GDPD1: variants seen among roughly 807,000 people sequenced by gnomAD.
GDPD1 encodes the protein lysophospholipase D GDPD1.
A neutral mutation model predicts 45.1 loss-of-function variants in GDPD1; 28 were observed. The observed-to-expected ratio is 0.62, with a 90% CI of 0.46 to 0.85. GDPD1 has a LOEUF of 0.85. Ranked by LOEUF, GDPD1 falls within the 40% of genes least tolerant of loss-of-function variation. The pLI is 0.00. For synonymous variants in GDPD1, 139 were observed against 131.4 expected, an observed-to-expected ratio of 1.06 and a Z score of -0.40; for missense variants, 256 against 364.8, an observed-to-expected ratio of 0.70 and a Z score of 2.43.
At chr17:59,251,773 A>G (rs1482703623) in intron 4 of GDPD1, among the ~76,000 whole-genome samples, 1 of 151,860 alleles carries the variant, frequency 6.6e-6, no homozygotes, top group African/African-American at 2.4e-5. Flanking sequence ...TGGGAGGCTA[A>G]GGCAGGAGGA....
In GDPD1 at chr17:59,274,512, CAAAAAAAAAAA is replaced by C. The variant is rs35411377; in HGVS notation, c.*753_*763del. 4 of 67,960 alleles carry C rather than the reference CAAAAAAAAAAA, an allele frequency of 5.9e-5. No homozygotes were observed. Among genetic ancestry groups the C allele is most frequent in the Admixed American group, 1.8e-4 (1 of 5,636 alleles). The allele number at this position is 67,960 out of a possible 1,614,324, so 4.2% of individuals were successfully genotyped here. On this transcript the variant is annotated 3_prime_UTR_variant, in exon 10 of 10. Coordinates refer to ENST00000284116, the MANE Select transcript of GDPD1 (RefSeq NM_182569.4). The stretch of plus-strand genomic sequence containing the variant: ...TGGGAGACAGAGTGAGACTCCGTCT[CAAAAAAAAAAA>C]AAAAAAAAAAAAATGGGAGGCCGAG...
chr17:59,228,604 G>C (rs1053710347), intron 1 of GDPD1, among the ~76,000 whole-genome samples: 29 of 152,020 alleles, frequency 1.9e-4, no homozygotes, highest in African/African-American at 6.5e-4. Context: ...GGTTAGGCCA[G>C]CCAGGCACAG....
chr17:59,224,244 C>T (rs2047027957), intron 1 of GDPD1, among the ~76,000 whole-genome samples: 1 of 152,120 alleles, frequency 6.6e-6, no homozygotes, highest in South Asian at 2.1e-4. Context: ...AATGGATTTT[C>T]ACATAATAGA....
In GDPD1 at chr17:59,268,367, G is replaced by C. The variant is rs571523800; in HGVS notation, c.710+1193G>C. On this transcript the variant is annotated intron_variant, in intron 7 of 9. Coordinates refer to ENST00000284116, the MANE Select transcript of GDPD1 (RefSeq NM_182569.4). ...CAAGGAGGGTGGATCACGAGGTCAG[G>C]AGATCGAGACCATCCTGGCTAACAC... 2.6e-5 allele frequency among the ~76,000 whole-genome samples: 4 copies of C among 151,808 alleles called. No homozygotes were observed. The East Asian group carries it at 7.9e-4, about 30-fold the overall frequency.
intron 1 of GDPD1, among the ~76,000 whole-genome samples, chr17:59,233,521 A>G (rs1257851910): frequency 6.6e-6 from 1 of 150,980 alleles, no homozygotes; most frequent in Non-Finnish European, 1.5e-5. Context: ...CAAAAAAAAA[A>G]AAAAAAAAGA....
intron 8 of GDPD1, among the ~76,000 whole-genome samples, chr17:59,272,574 G>A (rs2047452012): frequency 6.6e-6 from 1 of 152,184 alleles, no homozygotes; most frequent in Admixed American, 6.5e-5. Flanking sequence ...TAGAAAGGAG[G>A]TTCTGGTTGT....
At chr17:59,231,324 CTTTT>C (rs557850341) in intron 1 of GDPD1, among the ~76,000 whole-genome samples, 1 of 114,418 alleles carries the variant, frequency 8.7e-6, no homozygotes, top group Admixed American at 1.0e-4. Context: ...TTCTTTCTTT[CTTTT>C]TTTTTTTTTT....
chr17:59,246,470 T>C (rs575813514), intron 3 of GDPD1, among the ~76,000 whole-genome samples: 18 of 151,572 alleles, frequency 1.2e-4, no homozygotes, highest in East Asian at 5.9e-4. Context: ...AATACAAAAA[T>C]TAGCCGGGCA....
intron 4 of GDPD1, among the ~76,000 whole-genome samples, chr17:59,252,908 C>T (rs1431147206): frequency 2.0e-5 from 3 of 151,722 alleles, no homozygotes; most frequent in African/African-American, 4.8e-5. Context: ...GCAGGAGAAT[C>T]GCTGAAACCC....
In GDPD1 at chr17:59,255,791, A is replaced by G. The variant is rs1168365185; in HGVS notation, c.368-1331A>G. On this transcript the variant is annotated intron_variant, in intron 4 of 9. Coordinates refer to ENST00000284116, the MANE Select transcript of GDPD1 (RefSeq NM_182569.4). ...TATATATATATATATATATACGCGTATATATGTATATATATATATACGCGT... is the reference window on the plus strand; with the variant it reads ...TATATATATATATATATATACGCGTGTATATGTATATATATATATACGCGT... Among the ~76,000 whole-genome samples the G allele has an allele frequency of 1.2e-3, 81 of 65,490 alleles. 3 individuals are homozygous for G. The highest frequency in any genetic ancestry group is 3.1e-3 in the South Asian group (5 of 1,638). The allele number at this position is 65,490 out of a possible 152,430, so 43.0% of individuals were successfully genotyped here. A position where few individuals can be genotyped will look rare whatever the true frequency, so the allele number is the denominator to read the frequency against.
chr17:59,255,829 GCGTA>G (rs1297479612), intron 4 of GDPD1, among the ~76,000 whole-genome samples: 4 of 50,882 alleles, frequency 7.9e-5, no homozygotes, highest in Non-Finnish European at 1.0e-4. Context: ...ATATATATAC[GCGTA>G]TATATATATA....
intron 4 of GDPD1, among the ~76,000 whole-genome samples, chr17:59,250,646 A>C (rs1364413348): frequency 6.6e-6 from 1 of 151,788 alleles, no homozygotes; most frequent in Non-Finnish European, 1.5e-5. Flanking sequence ...TTTGAGGAAA[A>C]AAAAAGTTTT....
At chr17:59,266,242 G>T (rs1452850430) in intron 6 of GDPD1, among the ~76,000 whole-genome samples, 1 of 151,894 alleles carries the variant, frequency 6.6e-6, no homozygotes, top group Non-Finnish European at 1.5e-5. Context: ...CAAAAAATTA[G>T]CTGGGCATGG....
At chr17:59,233,529 AG>A (rs1597966158) in intron 1 of GDPD1, among the ~76,000 whole-genome samples, 3 of 149,124 alleles carry the variant, frequency 2.0e-5, no homozygotes, top group African/African-American at 5.0e-5. Context: ...AAAAAAAAAA[AG>A]AAAGAAAAAA....
chr17:59,250,181 T>A (rs1279812548), intron 4 of GDPD1, among the ~76,000 whole-genome samples: 3 of 152,256 alleles, frequency 2.0e-5, no homozygotes, highest in Non-Finnish European at 4.4e-5. Context: ...AAACTTTTCT[T>A]CATTCTTGTA....
intron 7 of GDPD1, 30 bp downstream of exon 7, chr17:59,267,204 A>G: frequency 6.4e-7 from 1 of 1,567,064 alleles, no homozygotes; most frequent in Non-Finnish European, 8.7e-7. Context: ...TTTTAAAATC[A>G]ATTATCAATT....
chr17:59,265,401 G>A (rs1433861594), intron 6 of GDPD1, among the ~76,000 whole-genome samples: 1 of 151,682 alleles, frequency 6.6e-6, no homozygotes, highest in African/African-American at 2.4e-5. Context: ...AGCTCGGCAT[G>A]GTGGTGCATG....
At chr17:59,255,762 A>AAAAT (rs1281572220) in intron 4 of GDPD1, among the ~76,000 whole-genome samples, 18 of 44,340 alleles carry the variant, frequency 4.1e-4, no homozygotes, top group Non-Finnish European at 5.6e-4. Context: ...AAAAAAAAAA[A>AAAAT]ATATATATAT....
At chr17:59,224,634 A>C (rs1431705347) in intron 1 of GDPD1, among the ~76,000 whole-genome samples, 12 of 146,248 alleles carry the variant, frequency 8.2e-5, no homozygotes, top group African/African-American at 1.7e-4. Flanking sequence ...CAAAAAAAAA[A>C]AAAAACAAAA....
Sources: gnomAD v4.1 joint callset for allele counts (sites outside exome capture counted in the v4.1 genomes callset) on GRCh38, gnomAD v4.1.1 for gene constraint, MANE v1.5 for transcripts, NCBI Gene and HGNC (gene_info 2026-07-23, HGNC 2026-07-21) for gene names.